Variants in AHI1 observed in about 807,000 individuals in gnomAD.
AHI1 encodes the protein jouberin.
Under a neutral mutation model 149.3 loss-of-function variants are expected in AHI1, and 123 were observed. The observed-to-expected ratio is 0.82, with a 90% confidence interval of 0.71 to 0.96. The LOEUF (loss-of-function observed/expected upper bound fraction) is 0.96, where lower values mean the gene tolerates loss of function less well. Ranked by LOEUF, AHI1 falls within the 40% of genes least tolerant of loss-of-function variation. The pLI is 0.00. For synonymous variants in AHI1, 475 were observed against 459.8 expected (o/e 1.03, Z -0.42); for missense variants, 1,439 against 1,422.7 (o/e 1.01, Z -0.18).
chr6:135,384,272 T>G (rs879747651), intron 23 of AHI1, among the ~76,000 whole-genome samples: 1 of 152,210 alleles, frequency 6.6e-6, no homozygotes, highest in Non-Finnish European at 1.5e-5. Context: ...ATTCAATGAT[T>G]AAAGTAGTTC....
At chr6:135,483,943 A>AT (rs1387832872) in intron 5 of AHI1, among the ~76,000 whole-genome samples, 1 of 152,198 alleles carries the variant, frequency 6.6e-6, no homozygotes, top group Non-Finnish European at 1.5e-5. Context: ...GTATTAGTCC[A>AT]TTTTCACACC....
intron 4 of AHI1, among the ~76,000 whole-genome samples, chr6:135,492,027 C>T (rs949817215): frequency 2.0e-5 from 3 of 152,114 alleles, no homozygotes; most frequent in Non-Finnish European, 4.4e-5. Flanking sequence ...AACTACCATC[C>T]ATTAAATACA....
intron 2 of AHI1, among the ~76,000 whole-genome samples, chr6:135,496,397 C>T (rs1002555833): frequency 2.0e-5 from 3 of 152,172 alleles, no homozygotes; most frequent in Admixed American, 6.5e-5. Flanking sequence ...GGATTACAGG[C>T]GTGACCCACT....
intron 24 of AHI1, among the ~76,000 whole-genome samples, chr6:135,335,379 A>T (rs529518785): frequency 6.6e-6 from 1 of 152,256 alleles, no homozygotes; most frequent in East Asian, 1.9e-4. Context: ...TCATCCAACA[A>T]CAATCATCAG....
chr6:135,428,628 C>A lies in AHI1; in HGVS notation c.2623+1G>T, dbSNP rs751823180. 1 of 1,596,816 alleles carries A rather than the reference C, an allele frequency of 6.3e-7. No individual in the cohort carries two copies. The highest frequency in any genetic ancestry group is 8.5e-7 in the Non-Finnish European group (1 of 1,171,146). ...ATTTTTAAAGTTCAATAAACATTCACCTGTTTCTGGGTTCCAAACATACAC... is the reference window on the plus strand; with the variant it reads ...ATTTTTAAAGTTCAATAAACATTCAACTGTTTCTGGGTTCCAAACATACAC... On this transcript the variant is annotated splice_donor_variant, in intron 19 of 28. Coordinates refer to ENST00000265602, the MANE Select transcript of AHI1 (RefSeq NM_001134831.2). LOFTEE classifies it high-confidence loss of function.
chr6:135,482,694 G>C (rs913310504), intron 5 of AHI1, among the ~76,000 whole-genome samples: 2 of 151,276 alleles, frequency 1.3e-5, no homozygotes, highest in East Asian at 3.9e-4. Context: ...CCTAGAGTCT[G>C]TTTCTATTGA....
At position 135,467,599 on chromosome 6, in the gene AHI1, T is replaced by C. The variant is rs1361180316; in HGVS notation, c.171A>G (p.Lys57=). The change falls in exon 6 of 29, where the codon AAA becomes AAG. Residue 57 remains lysine (K), a synonymous_variant. Transcript: ENST00000265602. The part of the protein sequence containing the change: ...DTIRSNLHYM[K]ETTSDDPDTI... ...TACTTACATCATCACTTGTAGTTTC[T>C]TTCATATAGTGAAGATTGCTTCTAA... 3 of 1,609,720 alleles carry C rather than the reference T, an allele frequency of 1.9e-6. No homozygotes were observed. Among genetic ancestry groups the C allele is most frequent in the African/African-American group, 2.7e-5 (2 of 74,830 alleles).
At chr6:135,347,294 T>C (rs970951226) in intron 24 of AHI1, among the ~76,000 whole-genome samples, 2 of 152,220 alleles carry the variant, frequency 1.3e-5, no homozygotes, top group South Asian at 2.1e-4. Context: ...ATATATAGTA[T>C]GTAGCAGGGC....
At chr6:135,327,654 T>G (rs1787904893) in intron 24 of AHI1, among the ~76,000 whole-genome samples, 2 of 152,140 alleles carry the variant, frequency 1.3e-5, no homozygotes, top group Non-Finnish European at 2.9e-5. Context: ...TCTGCTCTCC[T>G]TTTACCTGCC....
chr6:135,294,667 A>G (rs915264980), intron 27 of AHI1, among the ~76,000 whole-genome samples: 2 of 150,256 alleles, frequency 1.3e-5, no homozygotes, highest in African/African-American at 4.9e-5. Context: ...TTTTTCAACA[A>G]ATGATGCTAG....
At chr6:135,446,341 C>G (rs904148797) in intron 13 of AHI1, among the ~76,000 whole-genome samples, 43 of 152,144 alleles carry the variant, frequency 2.8e-4, no homozygotes, top group African/African-American at 1.0e-3. Context: ...GCACAAAGAT[C>G]ATGTGAAGAG....
At position 135,495,807 on chromosome 6, in the gene AHI1, CACTT is replaced by C. The variant is rs1035166692; in HGVS notation, c.-55+3_-55+6del. 5.9e-5 allele frequency: 9 copies of C among 152,308 alleles called. No homozygotes were observed. The highest frequency in any genetic ancestry group is 8.8e-5 in the Non-Finnish European group (6 of 68,024). 9.4% of individuals were successfully genotyped at this position (152,308 alleles called of 1,614,324 possible). A position where few individuals can be genotyped will look rare whatever the true frequency, so the allele number is the denominator to read the frequency against. ...ACTCAGGCTTGAGCTCTAGTGTCAC[CACTT>C]ACTGATGTGTGGCCTTGGGCAAGCT... On this transcript the variant is annotated splice_donor_5th_base_variant and intron_variant, in intron 3 of 28. Transcript: ENST00000265602.
At position 135,490,714 on chromosome 6, in the gene AHI1, C is replaced by T. The variant is rs760220297; in HGVS notation, c.44G>A (p.Arg15His). 6.1e-5 allele frequency: 98 copies of T among 1,612,690 alleles called. No individual in the cohort carries two copies. The highest frequency in any genetic ancestry group is 8.0e-5 in the Non-Finnish European group (94 of 1,179,488). The change falls in exon 5 of 29, where the codon CGC (arginine) becomes CAC (histidine). Residue 15 changes from arginine to histidine, a missense_variant. Arg to His is a conservative substitution (Grantham distance 29). Transcript: ENST00000265602. ...ESEAKVKTKV[R>H]FEELLKTHSD... The stretch of plus-strand genomic sequence containing the variant: ...GTGGGTCTTAAGCAATTCTTCAAAG[C>T]GAACTTTGGTTTTTACTTTTGCTTC...
chr6:135,368,835 G>A (rs1478790514), intron 23 of AHI1, among the ~76,000 whole-genome samples: 1 of 152,354 alleles, frequency 6.6e-6, no homozygotes, highest in African/African-American at 2.4e-5. Context: ...TTCTGAGAAA[G>A]CAAGCAGGGC....
At chr6:135,426,563 G>A (rs960057528) in intron 20 of AHI1, among the ~76,000 whole-genome samples, 1 of 151,544 alleles carries the variant, frequency 6.6e-6, no homozygotes, top group Non-Finnish European at 1.5e-5. Context: ...GCAATTTTGA[G>A]AATGACAGCA....
intron 5 of AHI1, chr6:135,489,911 AC>A: frequency 4.5e-5 from 14 of 310,656 alleles, no homozygotes; most frequent in East Asian, 5.3e-5. Context: ...AAAAAAAAAA[AC>A]TATGTACCAT....
Position 135,451,239 on chromosome 6 carries a change from G to A in AHI1, c.1440+2102C>T, listed in dbSNP as rs536305922. On this transcript the variant is annotated intron_variant, in intron 11 of 28. Coordinates refer to ENST00000265602, the MANE Select transcript of AHI1 (RefSeq NM_001134831.2). ...CTCAAACTCCTGACCTCAAGTGATC[G>A]GCCCACCTCACCTCCCAGCGTGCTG... 8.6e-5 allele frequency among the ~76,000 whole-genome samples: 13 copies of A among 152,036 alleles called. No homozygotes were observed. The South Asian group carries it at 1.7e-3, about 19-fold the overall frequency.
intron 23 of AHI1, among the ~76,000 whole-genome samples, chr6:135,373,090 A>G (rs1031324684): frequency 6.6e-6 from 1 of 152,256 alleles, no homozygotes; most frequent in Non-Finnish European, 1.5e-5. Context: ...TGTTTTAAAA[A>G]ACGTTAATTT....
chr6:135,389,353 A>G (rs1267100603), intron 23 of AHI1, among the ~76,000 whole-genome samples: 2 of 152,024 alleles, frequency 1.3e-5, no homozygotes, highest in African/African-American at 2.4e-5. Context: ...ATATTATTCA[A>G]CATGTCGATG....
Sources: gnomAD v4.1 joint callset for allele counts (sites outside exome capture counted in the v4.1 genomes callset) on GRCh38, gnomAD v4.1.1 for gene constraint, MANE v1.5 for transcripts, NCBI Gene and HGNC (gene_info 2026-07-23, HGNC 2026-07-21) for gene names.